Variants in SEL1L3 observed in about 807,000 individuals in gnomAD.
SEL1L3 encodes the protein SEL1L family member 3, also known as protein sel-1 homolog 3.
In SEL1L3, 76 loss-of-function variants were observed where a neutral mutation model predicts 142.8. The observed-to-expected ratio is 0.53, with a 90% CI of 0.44 to 0.64. The LOEUF is 0.64. Ranked by LOEUF, SEL1L3 falls within the 30% of genes least tolerant of loss-of-function variation. The probability of loss-of-function intolerance (pLI) is 0.00; values close to 1 mark genes in which losing one functional copy is unlikely to be tolerated. For synonymous variants in SEL1L3, 504 were observed against 519.6 expected (o/e 0.97, Z 0.41); for missense variants, 1,262 against 1,381.7 (o/e 0.91, Z 1.37).
At chr4:25,721,710 C>T in the SEL1L3 span, among the ~76,000 whole-genome samples, 3 of 152,192 alleles carry the variant, frequency 2.0e-5, no homozygotes, top group South Asian at 2.1e-4. Flanking sequence ...AAGGCTTCAG[C>T]GAAGGCTGCA....
At chr4:25,765,575 T>C (rs1718663519) in intron 19 of SEL1L3, 140 bp from the exon 20 acceptor site, 2 of 609,596 alleles carry the variant, frequency 3.3e-6, no homozygotes, top group African/African-American at 3.7e-5. Context: ...CCCTGATGTG[T>C]CAAGAGAGAA....
At chr4:25,803,970 A>C (rs1713376009) in intron 10 of SEL1L3, among the ~76,000 whole-genome samples, 1 of 152,146 alleles carries the variant, frequency 6.6e-6, no homozygotes, top group African/African-American at 2.4e-5. Flanking sequence ...AATTCTTTGT[A>C]AGAAACCTCT....
At chr4:25,716,768 T>C in the SEL1L3 span, among the ~76,000 whole-genome samples, 2 of 152,186 alleles carry the variant, frequency 1.3e-5, no homozygotes, top group African/African-American at 2.4e-5. Context: ...TAATTCTATG[T>C]AATTTTTGTG....
intron 11 of SEL1L3, among the ~76,000 whole-genome samples, chr4:25,794,194 G>T (rs1477818533): frequency 6.6e-6 from 1 of 152,182 alleles, no homozygotes; most frequent in Non-Finnish European, 1.5e-5. Flanking sequence ...AAACTAAACA[G>T]CTTCTGCACT....
chr4:25,764,737 G>T (rs1224066453), intron 20 of SEL1L3, among the ~76,000 whole-genome samples: 1 of 152,112 alleles, frequency 6.6e-6, no homozygotes, highest in Non-Finnish European at 1.5e-5. Context: ...TTGATTATTT[G>T]GTCTTGAACA....
chr4:25,714,496 T>C, the SEL1L3 span, among the ~76,000 whole-genome samples: 2 of 61,074 alleles, frequency 3.3e-5, no homozygotes, highest in South Asian at 9.4e-4. Context: ...TTCTCTTTCT[T>C]TCTTTTTCTT....
chr4:25,798,858 C>T lies in SEL1L3; in HGVS notation c.1956+3425G>A, dbSNP rs190064942. ...AAAGAAAAAAGAAAGAAAGAAAGAC[C>T]GGGGAGGAGGGGGTCTCCATCTGCT... On this transcript the variant is annotated intron_variant, in intron 11 of 23. Transcript: ENST00000399878. 2.5e-3 allele frequency among the ~76,000 whole-genome samples: 374 copies of T among 151,956 alleles called. 2 individuals carry two copies. Among genetic ancestry groups the T allele is most frequent in the Middle Eastern group, 0.02 (6 of 294 alleles).
downstream of SEL1L3, among the ~76,000 whole-genome samples, chr4:25,745,781 C>T (rs192700232): frequency 3.3e-5 from 5 of 152,362 alleles, no homozygotes; most frequent in Admixed American, 6.5e-5. Flanking sequence ...CCACTGGCCA[C>T]GGGCTGCTCT....
rs1717811547 is a variant in SEL1L3 at position 25,862,690 on chromosome 4, G to A, written c.147C>T (p.Leu49=). Residue 49 remains leucine (L), a synonymous_variant, in exon 1 of 24, where the codon CTC becomes CTT. Coordinates refer to ENST00000399878, the MANE Select transcript of SEL1L3 (RefSeq NM_015187.5). ...CGGCGCTCACCAGGTAGCAGAGCAG[G>A]AGCAGCGCGCAGGCAGAGCGGCCGC... The part of the protein sequence containing the change: ...GLGGRSACAL[L]LLCYLNVVPS... 1.5e-6 allele frequency: 2 copies of A among 1,305,056 alleles called. No homozygotes were observed. Among genetic ancestry groups the A allele is most frequent in the Non-Finnish European group, 9.8e-7 (1 of 1,024,366 alleles). 80.8% of individuals were successfully genotyped at this position (1,305,056 alleles called of 1,614,324 possible).
intron 1 of SEL1L3, 94 bp downstream of exon 1, chr4:25,862,581 C>T: frequency 1.7e-6 from 1 of 593,270 alleles, no homozygotes; most frequent in Non-Finnish European, 2.4e-6. Flanking sequence ...GCAGCGGCGT[C>T]CCCGCCCCGC....
intron 12 of SEL1L3, among the ~76,000 whole-genome samples, chr4:25,790,141 G>A (rs1412156460): frequency 6.6e-6 from 1 of 152,180 alleles, no homozygotes; most frequent in African/African-American, 2.4e-5. Flanking sequence ...GGCAGAACTT[G>A]AAGTCAAGAG....
intron 19 of SEL1L3, among the ~76,000 whole-genome samples, chr4:25,767,195 G>C (rs1718803789): frequency 6.6e-6 from 1 of 152,180 alleles, no homozygotes; most frequent in Non-Finnish European, 1.5e-5. Flanking sequence ...TCGGGCAGGA[G>C]AATCACCTGA....
chr4:25,732,452 C>T, the SEL1L3 span, among the ~76,000 whole-genome samples: 2 of 152,202 alleles, frequency 1.3e-5, no homozygotes, highest in Non-Finnish European at 2.9e-5. Context: ...TGCCATTTTA[C>T]ATTTCCACCA....
intron 17 of SEL1L3, 60 bp from the exon 18 acceptor site, chr4:25,767,890 A>G: frequency 9.4e-7 from 1 of 1,065,710 alleles, no homozygotes; most frequent in Non-Finnish European, 1.4e-6. Flanking sequence ...ATTCACAGAG[A>G]GCTTTACATT....
At chr4:25,768,900 C>A (rs1718956464) in intron 17 of SEL1L3, among the ~76,000 whole-genome samples, 2 of 151,088 alleles carry the variant, frequency 1.3e-5, no homozygotes, top group South Asian at 4.2e-4. Context: ...CATATACATG[C>A]AGATACAAAT....
intron 1 of SEL1L3, among the ~76,000 whole-genome samples, chr4:25,852,195 G>T (rs540465840): frequency 6.6e-6 from 1 of 152,294 alleles, no homozygotes; most frequent in Admixed American, 6.5e-5. Flanking sequence ...CTCTTATTCT[G>T]CAGACGAGGA....
chr4:25,819,773 A>G (rs763648790), intron 8 of SEL1L3, 35 bp downstream of exon 8: 1 of 1,580,968 alleles, frequency 6.3e-7, no homozygotes, highest in South Asian at 1.2e-5. Context: ...AAATGCACAG[A>G]GCTTAAAACA....
chr4:25,738,710 C>T, the SEL1L3 span, among the ~76,000 whole-genome samples: 1 of 152,284 alleles, frequency 6.6e-6, no homozygotes, highest in East Asian at 1.9e-4. Flanking sequence ...TCATTGTCTT[C>T]AGTTCATGGC....
the SEL1L3 span, among the ~76,000 whole-genome samples, chr4:25,724,836 AC>A: frequency 3.3e-5 from 5 of 151,830 alleles, no homozygotes; most frequent in Non-Finnish European, 7.4e-5. Context: ...ATAACAGTAA[AC>A]CCAACAGTTC....
Sources: allele counts gnomAD v4.1 joint callset (sites outside exome capture counted in the v4.1 genomes callset), GRCh38; gene constraint gnomAD v4.1.1; transcripts MANE v1.5; gene names NCBI Gene and HGNC (gene_info 2026-07-23, HGNC 2026-07-21).